The following SVIL variants were observed in gnomAD, a reference collection of about 807,000 sequenced individuals.
SVIL encodes the protein supervillin, also known as archvillin.
A neutral mutation model predicts 240.4 loss-of-function variants in SVIL; 101 were observed. That is an observed-to-expected ratio of 0.42 (90% confidence interval 0.36 to 0.50). SVIL has a LOEUF of 0.50. Ranked by LOEUF, SVIL falls within the 20% of genes least tolerant of loss-of-function variation. The pLI, the probability that SVIL is intolerant of heterozygous loss-of-function variation, is 0.01. For missense variants in SVIL, 2,512 were observed against 2,818.7 expected (o/e 0.89, Z 2.46); for synonymous variants, 999 against 1,100.0 (o/e 0.91, Z 1.82).
intron 1 of SVIL, among the ~76,000 whole-genome samples, chr10:29,693,895 T>C (rs1961712133): frequency 6.6e-6 from 1 of 152,106 alleles, no homozygotes; most frequent in Non-Finnish European, 1.5e-5. Context: ...AAATGGAGTG[T>C]TTTGGCCTAA....
chr10:29,547,733 T>C (rs1952821879), intron 6 of SVIL, among the ~76,000 whole-genome samples: 1 of 152,232 alleles, frequency 6.6e-6, no homozygotes, highest in Non-Finnish European at 1.5e-5. Context: ...TTTGAGAATC[T>C]ATTATATGTG....
At chr10:29,462,194 T>C (rs1479458352) in intron 36 of SVIL, 83 bp downstream of exon 36, 2 of 1,493,268 alleles carry the variant, frequency 1.3e-6, no homozygotes, top group Admixed American at 2.3e-5. Context: ...GAAAGTGCAA[T>C]TGGATGCTCT....
At chr10:29,606,064 C>T (rs764034512) in intron 1 of SVIL, among the ~76,000 whole-genome samples, 1 of 152,130 alleles carries the variant, frequency 6.6e-6, no homozygotes, top group African/African-American at 2.4e-5. Flanking sequence ...GCATCTGCCA[C>T]CACGCGCAGT....
At chr10:29,509,946 G>A (rs1366873279) in intron 17 of SVIL, among the ~76,000 whole-genome samples, 2 of 152,126 alleles carry the variant, frequency 1.3e-5, no homozygotes, top group South Asian at 2.1e-4. Context: ...TTTGTCACCC[G>A]AGCTGGAGTG....
intron 1 of SVIL, among the ~76,000 whole-genome samples, chr10:29,625,628 A>C (rs1221748126): frequency 6.6e-6 from 1 of 151,796 alleles, no homozygotes; most frequent in Non-Finnish European, 1.5e-5. Context: ...CATGCCCGAT[A>C]ATTTTTTGTA....
intron 34 of SVIL, among the ~76,000 whole-genome samples, chr10:29,465,162 A>AAG (rs1287469499): frequency 6.6e-6 from 1 of 152,158 alleles, no homozygotes; most frequent in South Asian, 2.1e-4. Context: ...TATCTGATTA[A>AAG]AGAGAGAGAG....
intron 1 of SVIL, among the ~76,000 whole-genome samples, chr10:29,631,067 G>A (rs1958069550): frequency 6.6e-6 from 1 of 152,178 alleles, no homozygotes; most frequent in African/African-American, 2.4e-5. Flanking sequence ...GTCAGAGGAA[G>A]CTTCTGGCAC....
intron 1 of SVIL, among the ~76,000 whole-genome samples, chr10:29,695,325 T>C (rs1424839521): frequency 1.3e-5 from 2 of 152,200 alleles, no homozygotes; most frequent in Non-Finnish European, 2.9e-5. Flanking sequence ...TTGGGTACAA[T>C]GTACACTATT....
chr10:29,692,344 G>A (rs7919584), intron 1 of SVIL, among the ~76,000 whole-genome samples: 2,516 of 152,242 alleles, frequency 0.017, 35 homozygotes, highest in Middle Eastern at 0.051. Context: ...ATTCCACCCC[G>A]TATGAGCAGG....
chr10:29,570,007 C>A (rs944754151), intron 1 of SVIL, among the ~76,000 whole-genome samples: 1 of 152,190 alleles, frequency 6.6e-6, no homozygotes, highest in Non-Finnish European at 1.5e-5. Context: ...CAGCATTTGT[C>A]CACTAAGAAA....
At chr10:29,619,871 A>G (rs1343891418) in intron 1 of SVIL, among the ~76,000 whole-genome samples, 1 of 152,190 alleles carries the variant, frequency 6.6e-6, no homozygotes, top group Non-Finnish European at 1.5e-5. Flanking sequence ...ATTGCAAACT[A>G]CATTTTTTTT....
intron 1 of SVIL, among the ~76,000 whole-genome samples, chr10:29,588,900 T>C (rs1463585890): frequency 3.3e-5 from 5 of 152,170 alleles, no homozygotes; most frequent in Admixed American, 6.5e-5. Flanking sequence ...TTGCCTCACT[T>C]CCTACCTCCC....
chr10:29,626,316 A>T (rs1049435766), intron 1 of SVIL, among the ~76,000 whole-genome samples: 1 of 152,212 alleles, frequency 6.6e-6, no homozygotes, highest in Non-Finnish European at 1.5e-5. Context: ...CTGAAGATCA[A>T]GAGAATCGCT....
At chr10:29,477,123 G>A (rs1946285021) in intron 29 of SVIL, among the ~76,000 whole-genome samples, 2 of 152,042 alleles carry the variant, frequency 1.3e-5, no homozygotes, top group South Asian at 4.1e-4. Context: ...TTGGCCTCCT[G>A]AAGTGCTGGG....
rs536563560 is a variant in SVIL at position 29,688,723 on chromosome 10, G to T, written c.-399-2072C>A. Among the ~76,000 whole-genome samples the T allele has an allele frequency of 2.6e-5, 4 of 152,266 alleles. No homozygotes were observed. In the East Asian group the frequency reaches 5.8e-4, roughly 22 times the overall value. ...CCCAAAAAAACATAAAAAAATCTCT[G>T]AAGTATGGAGATGCTCAGTTGCCCA... On this transcript the variant is annotated intron_variant, in intron 1 of 35. Transcript: ENST00000375400.
At chr10:29,681,093 G>T (rs1013340370) in intron 2 of SVIL, among the ~76,000 whole-genome samples, 3 of 152,116 alleles carry the variant, frequency 2.0e-5, no homozygotes, top group Non-Finnish European at 2.9e-5. Flanking sequence ...TGTGGAGGTG[G>T]GGCAGGAAGC....
rs561756325 is a variant in SVIL at position 29,679,412 on chromosome 10, C to T, written c.-301+7141G>A. 4.6e-5 allele frequency among the ~76,000 whole-genome samples: 7 copies of T among 152,290 alleles called. No homozygotes were observed. In the South Asian group the frequency reaches 1.4e-3, roughly 32 times the overall value. On this transcript the variant is annotated intron_variant, in intron 2 of 35. Transcript: ENST00000375400. ...AATAGTGACAACTCCTTTCCACATGCAAGTCTCCTCTGCATCAGATGGGAC... is the reference window on the plus strand; with the variant it reads ...AATAGTGACAACTCCTTTCCACATGTAAGTCTCCTCTGCATCAGATGGGAC...
chr10:29,617,350 T>C (rs1957463014), intron 1 of SVIL, among the ~76,000 whole-genome samples: 1 of 150,816 alleles, frequency 6.6e-6, no homozygotes, highest in Non-Finnish European at 1.5e-5. Flanking sequence ...AAAGAAAGAG[T>C]TTTTCTTCCC....
intron 1 of SVIL, among the ~76,000 whole-genome samples, chr10:29,576,317 A>C (rs1955693025): frequency 6.6e-6 from 1 of 152,166 alleles, no homozygotes; most frequent in African/African-American, 2.4e-5. Flanking sequence ...TTTTACTAAA[A>C]TTGCATTGAT....
Sources: allele counts gnomAD v4.1 joint callset (sites outside exome capture counted in the v4.1 genomes callset), GRCh38; gene constraint gnomAD v4.1.1; transcripts MANE v1.5; gene names NCBI Gene and HGNC (gene_info 2026-07-23, HGNC 2026-07-21).